Variants in AMZ1 observed in about 807,000 individuals in gnomAD.
AMZ1 encodes archaemetzincin-1.
A neutral mutation model predicts 29.9 loss-of-function variants in AMZ1; 39 were observed. That is an observed-to-expected ratio of 1.30 (90% CI 1.01 to 1.70). AMZ1 has a LOEUF of 1.70. AMZ1 is among the 40% of genes most tolerant of loss of function. The pLI is 0.00. For synonymous variants in AMZ1, 458 were observed against 304.0 expected (o/e 1.51, Z -5.27); for missense variants, 1,041 against 680.6 (o/e 1.53, Z -5.89).
At chr7:2,711,595 A>T (rs1351766351) in intron 6 of AMZ1, among the ~76,000 whole-genome samples, 1 of 151,936 alleles carries the variant, frequency 6.6e-6, no homozygotes, top group African/African-American at 2.4e-5. Context: ...TTTGCTTTAC[A>T]TTTTTTTCCC....
chr7:2,719,087 G>A lies in AMZ1; in HGVS notation c.*6209G>A, dbSNP rs1183504858. Among the ~76,000 whole-genome samples, 9 of 151,976 alleles carry A rather than the reference G, an allele frequency of 5.9e-5. No homozygotes were observed. Among genetic ancestry groups the A allele is most frequent in the Non-Finnish European group, 1.0e-4 (7 of 68,000 alleles). ...TCTACCTGTGCCCTTCTGGGTGGGT[G>A]GTGGCCGTCCTCTTGGGCGCCCCCT... On this transcript the variant is annotated 3_prime_UTR_variant, in exon 7 of 7. Coordinates refer to ENST00000683327, the MANE Select transcript of AMZ1 (RefSeq NM_001384743.1).
intron 6 of AMZ1, among the ~76,000 whole-genome samples, chr7:2,710,817 A>C (rs949491874): frequency 6.6e-6 from 1 of 152,170 alleles, no homozygotes; most frequent in African/African-American, 2.4e-5. Context: ...GCATCTCCCG[A>C]GGGTACAGGT....
intron 3 of AMZ1, 136 bp from the exon 4 acceptor site, chr7:2,708,452 C>G (rs375648566): frequency 7.4e-7 from 1 of 1,349,402 alleles, no homozygotes; most frequent in South Asian, 1.4e-5. Flanking sequence ...TCACACCAAA[C>G]GCTGGTGGCC....
chr7:2,687,751 G>C (rs1028768932), upstream of AMZ1, among the ~76,000 whole-genome samples: 4 of 150,444 alleles, frequency 2.7e-5, no homozygotes, highest in East Asian at 2.0e-4. Context: ...TGGTGGCCTC[G>C]TTCACCCCCT....
At chr7:2,745,706 T>C (rs1014662020) in intron 4 of AMZ1, among the ~76,000 whole-genome samples, 1 of 152,184 alleles carries the variant, frequency 6.6e-6, no homozygotes, top group Admixed American at 6.5e-5. Flanking sequence ...AATGCTCCAA[T>C]TAAAAGACAC....
chr7:2,749,224 C>T (rs577911100), intron 4 of AMZ1, among the ~76,000 whole-genome samples: 1,925 of 152,128 alleles, frequency 0.013, 54 homozygotes, highest in African/African-American at 0.044. Context: ...GTGTTTATTG[C>T]GGCACTATTC....
upstream of AMZ1, among the ~76,000 whole-genome samples, chr7:2,685,855 G>GAAAAAAAAAAAAAA (rs10710624): frequency 1.2e-5 from 1 of 86,762 alleles, no homozygotes; most frequent in African/African-American, 3.9e-5. Flanking sequence ...TCCGTCTCAA[G>GAAAAAAAAAAAAAA]AAAAAAAAAA....
Position 2,709,502 on chromosome 7 carries a change from G to T in AMZ1, c.772-138G>T, listed in dbSNP as rs1032611499. On this transcript the variant is annotated intron_variant, in intron 5 of 6. Coordinates refer to ENST00000683327, the MANE Select transcript of AMZ1 (RefSeq NM_001384743.1). ...AAAGTGGCCTGTGCCGCCTGGGGCA[G>T]GGGGAGGGCGCCTGGACCACCTCCC... 120 of 1,343,734 alleles carry T rather than the reference G, an allele frequency of 8.9e-5. No homozygotes were observed. The African/African-American group carries it at 1.5e-3, about 16-fold the overall frequency. 83.2% of individuals were successfully genotyped at this position (1,343,734 alleles called of 1,614,324 possible).
intron 4 of AMZ1, chr7:2,730,492 G>C (rs1329244533): frequency 6.6e-6 from 1 of 152,498 alleles, no homozygotes; most frequent in African/African-American, 2.4e-5. Context: ...CACACCTGCA[G>C]AGCTCTGCAG....
intron 6 of AMZ1, among the ~76,000 whole-genome samples, chr7:2,710,244 G>T (rs774585630): frequency 6.6e-6 from 1 of 152,220 alleles, no homozygotes; most frequent in Admixed American, 6.5e-5. Flanking sequence ...AACAAGGCTT[G>T]TTGGAGGTGG....
chr7:2,709,037 T>C, intron 4 of AMZ1, 38 bp from the exon 5 acceptor site: 4 of 1,531,584 alleles, frequency 2.6e-6, no homozygotes, highest in Non-Finnish European at 2.6e-6. Context: ...GAGCCAAGGC[T>C]GACCCCTGAG....
In AMZ1 at chr7:2,716,952, T is replaced by C. The variant is rs1480870387; in HGVS notation, c.*4074T>C. Among the ~76,000 whole-genome samples the C allele has an allele frequency of 1.3e-5, 2 of 152,100 alleles. No individual in the cohort carries two copies. Among genetic ancestry groups the C allele is most frequent in the Admixed American group, 6.5e-5 (1 of 15,268 alleles). On this transcript the variant is annotated 3_prime_UTR_variant, in exon 7 of 7. Coordinates refer to ENST00000683327, the MANE Select transcript of AMZ1 (RefSeq NM_001384743.1). Reference sequence around the variant, plus strand: ...GTCTGTTCTTGCTTGAACCCCGAGTTCTCCCGCTGTTGTGCAGCTTTCTAA... The same window carrying C: ...GTCTGTTCTTGCTTGAACCCCGAGTCCTCCCGCTGTTGTGCAGCTTTCTAA...
At chr7:2,762,485 G>C, upstream of AMZ1, 3 of 732,318 alleles carry the variant, frequency 4.1e-6, no homozygotes, top group South Asian at 2.5e-5. Flanking sequence ...CCGTGTGCGG[G>C]GCCTGAGGTG....
intron 6 of AMZ1, among the ~76,000 whole-genome samples, chr7:2,711,375 C>T (rs996096954): frequency 1.3e-5 from 2 of 152,226 alleles, no homozygotes; most frequent in Non-Finnish European, 2.9e-5. Context: ...GTTGTGGTCT[C>T]TGCCACTTCC....
chr7:2,679,778 A>T (rs1388394094), intron 1 of AMZ1: 1 of 152,528 alleles, frequency 6.6e-6, no homozygotes, highest in Non-Finnish European at 1.5e-5. Flanking sequence ...CTGCTGCTCC[A>T]GGCAGAGGGC....
chr7:2,710,875 C>T (rs1788729825), intron 6 of AMZ1, among the ~76,000 whole-genome samples: 1 of 152,244 alleles, frequency 6.6e-6, no homozygotes, highest in Non-Finnish European at 1.5e-5. Context: ...AAGGTTGCTG[C>T]TGCCAGCTGT....
chr7:2,739,574 T>C (rs1412068070), intron 4 of AMZ1, among the ~76,000 whole-genome samples: 7 of 152,256 alleles, frequency 4.6e-5, no homozygotes, highest in African/African-American at 9.6e-5. Context: ...TTTTTGGCCG[T>C]TGTGAACAGT....
rs1406258222 is a variant in AMZ1 at position 2,712,505 on chromosome 7, A to G, written c.1124A>G (p.His375Arg). 3 of 1,608,766 alleles carry G rather than the reference A, an allele frequency of 1.9e-6. No individual in the cohort carries two copies. Among genetic ancestry groups the G allele is most frequent in the Non-Finnish European group, 2.5e-6 (3 of 1,178,118 alleles). ...SEPLTPDAGS[H>R]TFASGPEEGL... ...CCCCTCACCCCTGATGCCGGGAGTC[A>G]CACCTTCGCCTCGGGGCCAGAGGAA... The change falls in exon 7 of 7, where the codon CAC (histidine) becomes CGC (arginine). Residue 375 changes from histidine (H) to arginine (R), a missense_variant. Physicochemically the swap from His to Arg is conservative, Grantham distance 29. Transcript: ENST00000683327.
intron 3 of AMZ1, among the ~76,000 whole-genome samples, chr7:2,705,916 G>A (rs771493421): frequency 2.0e-5 from 3 of 152,208 alleles, no homozygotes; most frequent in Non-Finnish European, 4.4e-5. Context: ...CGCCGTACAC[G>A]GTGCGTCTCA....
Sources: allele counts gnomAD v4.1 joint callset (sites outside exome capture counted in the v4.1 genomes callset), GRCh38; gene constraint gnomAD v4.1.1; transcripts MANE v1.5; gene names NCBI Gene and HGNC (gene_info 2026-07-23, HGNC 2026-07-21).